Variants in GYS2 observed in about 807,000 individuals in gnomAD.
GYS2 encodes glycogen synthase 2.
A neutral mutation model predicts 85.6 loss-of-function variants in GYS2; 80 were observed. The observed-to-expected ratio is 0.93, with a 90% confidence interval of 0.78 to 1.13. The LOEUF is 1.13. Among genes scored for constraint, GYS2 ranks in the 50% most tolerant of loss-of-function variants. GYS2 has a pLI of 0.00. For missense variants in GYS2, 881 were observed against 854.9 expected, an observed-to-expected ratio of 1.03 and a Z score of -0.38; for synonymous variants, 328 against 300.7, an observed-to-expected ratio of 1.09 and a Z score of -0.94.
At chr12:21,540,382 T>C (rs773942116) in intron 14 of GYS2, 28 bp downstream of exon 14, 3 of 1,595,766 alleles carry the variant, frequency 1.9e-6, no homozygotes, top group Non-Finnish European at 2.6e-6. Flanking sequence ...TTTTAAGTGG[T>C]CTGCTGTGTT....
At chr12:21,595,903 C>CA (rs1243244828) in intron 1 of GYS2, among the ~76,000 whole-genome samples, 1 of 151,862 alleles carries the variant, frequency 6.6e-6, no homozygotes, top group African/African-American at 2.4e-5. Flanking sequence ...AGAAAGTCAA[C>CA]AAAAAAATAA....
intron 5 of GYS2, among the ~76,000 whole-genome samples, chr12:21,566,069 T>A (rs1944317020): frequency 6.6e-6 from 1 of 152,214 alleles, no homozygotes; most frequent in South Asian, 2.1e-4. Flanking sequence ...CTCCAATATT[T>A]TTAAGAAAAT....
chr12:21,590,038 G>T (rs1231381836), intron 1 of GYS2, among the ~76,000 whole-genome samples: 1 of 152,050 alleles, frequency 6.6e-6, no homozygotes, highest in African/African-American at 2.4e-5. Context: ...CCAGTAGCAG[G>T]GCTGCTACAC....
intron 15 of GYS2, 23 bp from the exon 16 acceptor site, chr12:21,537,198 A>G (rs751367183): frequency 1.3e-6 from 2 of 1,535,180 alleles, no homozygotes; most frequent in Admixed American, 1.7e-5. Context: ...AAAATAAGAC[A>G]TAAACATCAC....
At chr12:21,581,708 C>A (rs1285314639) in intron 1 of GYS2, among the ~76,000 whole-genome samples, 2 of 152,128 alleles carry the variant, frequency 1.3e-5, no homozygotes, top group African/African-American at 4.8e-5. Flanking sequence ...TTGGATCCAG[C>A]AAGTCCACAT....
intron 4 of GYS2, among the ~76,000 whole-genome samples, chr12:21,570,496 G>A (rs139614008): frequency 2.6e-5 from 4 of 152,340 alleles, no homozygotes; most frequent in East Asian, 1.9e-4. Flanking sequence ...ACAAATGTAA[G>A]ACTTTCAAGT....
chr12:21,587,329 T>C (rs1048541662), intron 1 of GYS2, among the ~76,000 whole-genome samples: 1 of 152,246 alleles, frequency 6.6e-6, no homozygotes, highest in African/African-American at 2.4e-5. Context: ...TGTACCCTGA[T>C]ACAGCTTGAC....
At chr12:21,569,033 C>T (rs368492157) in intron 4 of GYS2, 24 bp from the exon 5 acceptor site, 314 of 1,613,228 alleles carry the variant, frequency 1.9e-4, no homozygotes, top group Non-Finnish European at 2.5e-4. Context: ...AAATAAAACA[C>T]ACATTTGCTA....
At chr12:21,562,888 G>C (rs1944272138) in intron 7 of GYS2, 30 bp downstream of exon 7, 6 of 1,611,048 alleles carry the variant, frequency 3.7e-6, no homozygotes, top group Non-Finnish European at 5.1e-6. Context: ...CCCTACAAGA[G>C]TGTTATACCA....
chr12:21,574,814 C>T (rs190269974), intron 3 of GYS2, among the ~76,000 whole-genome samples: 2 of 151,042 alleles, frequency 1.3e-5, no homozygotes, highest in Admixed American at 1.3e-4. Flanking sequence ...AAAGAAATGG[C>T]CAGGAAGAGA....
intron 11 of GYS2, among the ~76,000 whole-genome samples, chr12:21,554,871 CA>C: frequency 6.6e-6 from 1 of 152,140 alleles, no homozygotes; most frequent in Non-Finnish European, 1.5e-5. Flanking sequence ...ACTTTTAAAA[CA>C]CGGATCAGCA....
At chr12:21,538,256 G>T (rs1420482576) in intron 15 of GYS2, among the ~76,000 whole-genome samples, 2 of 152,104 alleles carry the variant, frequency 1.3e-5, no homozygotes, top group African/African-American at 4.8e-5. Flanking sequence ...TTTTTTACGG[G>T]CAAATTTTAC....
intron 15 of GYS2, among the ~76,000 whole-genome samples, chr12:21,537,939 ACTT>A (rs1195492027): frequency 6.6e-6 from 1 of 152,220 alleles, no homozygotes; most frequent in African/African-American, 2.4e-5. Context: ...TATTTCAATT[ACTT>A]TATACATTAT....
chr12:21,570,551 G>A (rs538569931), intron 4 of GYS2, among the ~76,000 whole-genome samples: 1 of 152,314 alleles, frequency 6.6e-6, no homozygotes, highest in East Asian at 1.9e-4. Flanking sequence ...AAATTGGTTG[G>A]ATGAATAAAA....
chr12:21,548,829 G>A (rs1044809348), intron 11 of GYS2, among the ~76,000 whole-genome samples: 1 of 151,714 alleles, frequency 6.6e-6, no homozygotes, highest in African/African-American at 2.4e-5. Context: ...CTTTTTTTTG[G>A]TGGGGGGCAC....
In GYS2 at chr12:21,574,396, A is replaced by G. The variant is rs755833835; in HGVS notation, c.496-70T>C. 4 of 1,143,336 alleles carry G rather than the reference A, an allele frequency of 3.5e-6. No homozygotes were observed. The East Asian group carries it at 7.1e-5, about 20-fold the overall frequency. The allele number at this position is 1,143,336 out of a possible 1,614,324, so 70.8% of individuals were successfully genotyped here. On this transcript the variant is annotated intron_variant, in intron 3 of 15. Transcript: ENST00000261195. ...CTTGATTGTGCTCATGGTCCACATC[A>G]TAAGTGGAGTTATGGTGTCTATAAA...
At chr12:21,561,514 GT>G (rs5796913) in intron 7 of GYS2, among the ~76,000 whole-genome samples, 110,135 of 152,010 alleles carry the variant, frequency 0.72, 40,180 homozygotes, top group South Asian at 0.79. Flanking sequence ...AAAAATAAAT[GT>G]ACTATGTGGA....
intron 1 of GYS2, among the ~76,000 whole-genome samples, chr12:21,581,062 C>A (rs553508762): frequency 1.3e-5 from 2 of 152,212 alleles, no homozygotes; most frequent in Non-Finnish European, 2.9e-5. Flanking sequence ...AGCAAAGTAC[C>A]TTTTGATAAG....
intron 1 of GYS2, among the ~76,000 whole-genome samples, chr12:21,592,871 A>G (rs188270224): frequency 6.6e-6 from 1 of 152,212 alleles, no homozygotes; most frequent in African/African-American, 2.4e-5. Flanking sequence ...AGGATACACC[A>G]TATGTTAGAA....
Sources: allele counts gnomAD v4.1 joint callset (sites outside exome capture counted in the v4.1 genomes callset), GRCh38; gene constraint gnomAD v4.1.1; transcripts MANE v1.5; gene names NCBI Gene and HGNC (gene_info 2026-07-23, HGNC 2026-07-21).